Variants in MOG observed in about 807,000 individuals in gnomAD.
MOG encodes the protein myelin-oligodendrocyte glycoprotein.
In MOG, 20 loss-of-function variants were observed where a neutral mutation model predicts 35.9. The observed-to-expected ratio is 0.56, with a 90% confidence interval of 0.39 to 0.81. MOG has a LOEUF of 0.81. Ranked by LOEUF, MOG falls within the 30% of genes least tolerant of loss-of-function variation. The pLI is 0.00. For synonymous variants in MOG, 92 were observed against 114.3 expected, an observed-to-expected ratio of 0.80 and a Z score of 1.25; for missense variants, 251 against 301.0, an observed-to-expected ratio of 0.83 and a Z score of 1.23.
chr6:29,660,307 G>A (rs1045414529), intron 2 of MOG, among the ~76,000 whole-genome samples: 1 of 138,416 alleles, frequency 7.2e-6, no homozygotes, highest in East Asian at 2.0e-4. Flanking sequence ...AGATCACAAG[G>A]TCAGGAGATC....
intron 2 of MOG, chr6:29,664,551 T>C: frequency 2.3e-6 from 1 of 427,104 alleles, no homozygotes; most frequent in East Asian, 8.0e-5. Flanking sequence ...CTTAACCTTT[T>C]GTTGTGTGTC....
chr6:29,667,835 C>T lies in MOG; in HGVS notation c.572-69C>T. 1.9e-6 allele frequency: 3 copies of T among 1,587,722 alleles called. No homozygotes were observed. In the Admixed American group the frequency reaches 5.0e-5, roughly 26 times the overall value. On this transcript the variant is annotated intron_variant, in intron 4 of 7. Transcript: ENST00000376917. ...GAACAAGTTTTAAGTAATTAAATAA[C>T]AAAGACTCAGGATAAAAGATCCTTT... is the stretch of plus-strand genomic sequence containing the variant.
intron 1 of MOG, among the ~76,000 whole-genome samples, chr6:29,657,731 G>A (rs2127486028): frequency 7.2e-6 from 1 of 138,884 alleles, no homozygotes; most frequent in East Asian, 2.1e-4. Flanking sequence ...GGATGGTCTC[G>A]ATCTCTTGAC....
chr6:29,669,130 AGGCTG>A (rs1332605653), intron 5 of MOG, among the ~76,000 whole-genome samples: 1 of 152,172 alleles, frequency 6.6e-6, no homozygotes, highest in African/African-American at 2.4e-5. Context: ...CAGGTTGGCC[AGGCTG>A]GCCTCGAACT....
At chr6:29,663,940 C>A in intron 2 of MOG, 1 of 969,114 alleles carries the variant, frequency 1.0e-6, no homozygotes, top group Non-Finnish European at 1.2e-6. Flanking sequence ...GTGATGTATC[C>A]CTACCTTTGA....
At position 29,671,420 on chromosome 6, in the gene MOG, A is replaced by C. The variant is rs748097333; in HGVS notation, c.*235A>C. On this transcript the variant is annotated 3_prime_UTR_variant, in exon 8 of 8. Transcript: ENST00000376917. ...TACCCTTCTTTCCATTTCTCTCTCC[A>C]GTCTTCCACCTGGAAGCCCTCTCTG... The C allele has an allele frequency of 6.2e-7, 1 of 1,612,138 alleles. No homozygotes were observed. Among genetic ancestry groups the C allele is most frequent in the East Asian group, 2.2e-5 (1 of 44,874 alleles).
At chr6:29,658,970 G>C (rs969117618) in intron 1 of MOG, among the ~76,000 whole-genome samples, 2 of 152,096 alleles carry the variant, frequency 1.3e-5, no homozygotes, top group African/African-American at 4.8e-5. Context: ...AAATTAGCTG[G>C]ATGCGGCGGT....
intron 1 of MOG, among the ~76,000 whole-genome samples, 154 bp from the exon 2 acceptor site, chr6:29,659,165 A>G (rs573525065): frequency 2.0e-5 from 3 of 152,208 alleles, no homozygotes; most frequent in Admixed American, 1.3e-4. Context: ...AAGAAGAAGA[A>G]GAAGAACAAT....
chr6:29,670,913 A>G lies in MOG; in HGVS notation c.730+192A>G, dbSNP rs1432355095. On this transcript the variant is annotated intron_variant, in intron 7 of 7. Transcript: ENST00000376917. The surrounding 1 kb of genome is among the most constrained non-coding windows in gnomAD (Gnocchi z 4.2). ...GAAGCCAGCTGTTAGAGACACATTT[A>G]CAGGTGGCAGAGAAGCTGGAGGCAC... is the stretch of plus-strand genomic sequence containing the variant. The G allele has an allele frequency of 1.2e-6, 2 of 1,607,474 alleles. No individual in the cohort carries two copies. Among genetic ancestry groups the G allele is most frequent in the African/African-American group, 2.7e-5 (2 of 74,832 alleles).
At position 29,670,884 on chromosome 6, in the gene MOG, C is replaced by T; in HGVS notation, c.730+163C>T. On this transcript the variant is annotated intron_variant, in intron 7 of 7. Coordinates refer to ENST00000376917, the MANE Select transcript of MOG (RefSeq NM_206809.4). The surrounding 1 kb of genome is among the most constrained non-coding windows in gnomAD (Gnocchi z 4.2). ...AAGACTCCTCCTGGGAGGTAGAGGG[C>T]AAAGAAGCCAGCTGTTAGAGACACA... 1 of 1,590,290 alleles carries T rather than the reference C, an allele frequency of 6.3e-7. No individual in the cohort carries two copies.
At position 29,659,641 on chromosome 6, in the gene MOG, G is replaced by A; in HGVS notation, c.411G>A (p.Glu137=). 1.2e-6 allele frequency: 2 copies of A among 1,613,118 alleles called. No homozygotes were observed. Among genetic ancestry groups the A allele is most frequent in the South Asian group, 2.2e-5 (2 of 91,084 alleles). Residue 137 remains glutamate (E), a synonymous_variant, in exon 2 of 8, where the codon GAG becomes GAA. Coordinates refer to ENST00000376917, the MANE Select transcript of MOG (RefSeq NM_206809.4). ...CFFRDHSYQE[E]AAMELKVEDP... ...TCCGAGATCATTCTTACCAAGAGGA[G>A]GCAGCAATGGAATTGAAAGTAGAAG... is the stretch of plus-strand genomic sequence containing the variant.
In MOG at chr6:29,670,771, G is replaced by A. The variant is rs1771309494; in HGVS notation, c.730+50G>A. The stretch of plus-strand genomic sequence containing the variant: ...AGCAGAGAATAAAAAGCCAGGAAAG[G>A]GAGACAGAAGCAACAAGAGGAAGAG... On this transcript the variant is annotated intron_variant, in intron 7 of 7. Transcript: ENST00000376917. This position sits in a 1 kb window ranked among gnomAD's most constrained non-coding sequence, Gnocchi z 4.2. 1 of 1,606,834 alleles carries A rather than the reference G, an allele frequency of 6.2e-7. No homozygotes were observed. Among genetic ancestry groups the A allele is most frequent in the South Asian group, 1.1e-5 (1 of 90,092 alleles).
chr6:29,657,373 C>T, intron 1 of MOG, 76 bp downstream of exon 1: 1 of 1,058,166 alleles, frequency 9.5e-7, no homozygotes, highest in Non-Finnish European at 1.4e-6. Context: ...TTAGCTCCTT[C>T]AAACATCCTC....
chr6:29,669,308 C>CT (rs9280635), intron 5 of MOG, among the ~76,000 whole-genome samples: 4,693 of 148,038 alleles, frequency 0.032, 95 homozygotes, highest in African/African-American at 0.039. Flanking sequence ...TTCTTTCTTT[C>CT]TTTTTTTTTG....
At chr6:29,665,676 C>T (rs987777715) in intron 2 of MOG, among the ~76,000 whole-genome samples, 7 of 151,970 alleles carry the variant, frequency 4.6e-5, no homozygotes, top group African/African-American at 1.2e-4. Flanking sequence ...CTAAATCTGA[C>T]GTGGTCACTT....
Position 29,662,434 on chromosome 6 carries a change from G to C in MOG, c.436+2768G>C, listed in dbSNP as rs562991933. Among the ~76,000 whole-genome samples the C allele has an allele frequency of 6.6e-6, 1 of 151,780 alleles. No individual in the cohort carries two copies. Among genetic ancestry groups the C allele is most frequent in the South Asian group, 2.1e-4 (1 of 4,804 alleles). On this transcript the variant is annotated intron_variant, in intron 2 of 7. Transcript: ENST00000376917. This position sits in a 1 kb window ranked among gnomAD's most constrained non-coding sequence, Gnocchi z 4.2. The stretch of plus-strand genomic sequence containing the variant: ...GGAGGCAGAGGTTGCGGTGAGCCAA[G>C]ATCGCGCCATTGCACTCCAGCCTGG...
chr6:29,667,506 C>T, intron 3 of MOG, 137 bp from the exon 4 acceptor site: 2 of 807,162 alleles, frequency 2.5e-6, no homozygotes, highest in Admixed American at 2.0e-5. Flanking sequence ...AAATCCAGTG[C>T]TCTTCCTACT....
At chr6:29,665,998 C>T (rs6905408) in intron 2 of MOG, among the ~76,000 whole-genome samples, 154 bp from the exon 3 acceptor site, 6,972 of 152,172 alleles carry the variant, frequency 0.046, 204 homozygotes, top group East Asian at 0.12. Context: ...ATTTTTCCTT[C>T]AGGGCTAAGC....
intron 1 of MOG, among the ~76,000 whole-genome samples, chr6:29,657,879 A>C (rs943693319): frequency 6.6e-6 from 1 of 151,952 alleles, no homozygotes; most frequent in Non-Finnish European, 1.5e-5. Flanking sequence ...CCCTGACCTC[A>C]AGTGGTCTGC....
Sources: gnomAD v4.1 joint callset for allele counts (sites outside exome capture counted in the v4.1 genomes callset) on GRCh38, gnomAD v4.1.1 for gene constraint, Gnocchi (gnomAD v3.1) non-coding constraint, MANE v1.5 for transcripts, NCBI Gene and HGNC (gene_info 2026-07-23, HGNC 2026-07-21) for gene names.